The following LRFN2 variants were observed in gnomAD, a reference collection of about 807,000 sequenced individuals.
LRFN2 encodes the protein leucine rich repeat and fibronectin type III domain containing 2.
In LRFN2, 18 loss-of-function variants were observed where a neutral mutation model predicts 37.3. The observed-to-expected ratio is 0.48, with a 90% CI of 0.33 to 0.72. The LOEUF is 0.72. Among genes scored for constraint, LRFN2 ranks in the 30% least tolerant of loss-of-function variants. LRFN2 has a pLI of 0.02. For synonymous variants in LRFN2, 556 were observed against 466.6 expected, an observed-to-expected ratio of 1.19 and a Z score of -2.47; for missense variants, 1,006 against 1,060.7, an observed-to-expected ratio of 0.95 and a Z score of 0.72.
In LRFN2 at chr6:40,391,869, A is replaced by T; in HGVS notation, c.*74T>A. The T allele has an allele frequency of 7.0e-7, 1 of 1,438,536 alleles. No individual in the cohort carries two copies. The highest frequency in any genetic ancestry group is 9.3e-7 in the Non-Finnish European group (1 of 1,079,232). 89.1% of individuals were successfully genotyped at this position (1,438,536 alleles called of 1,614,324 possible). On this transcript the variant is annotated 3_prime_UTR_variant, in exon 3 of 3. Coordinates refer to ENST00000338305, the MANE Select transcript of LRFN2 (RefSeq NM_020737.3). Reference sequence around the variant, plus strand: ...ATGTAAACATCACCATGGAAACTCCACAAACACTTGCCAGTGAGATTCTTT... The same window carrying T: ...ATGTAAACATCACCATGGAAACTCCTCAAACACTTGCCAGTGAGATTCTTT...
intron 1 of LRFN2, among the ~76,000 whole-genome samples, chr6:40,436,739 C>T (rs191069135): frequency 6.6e-6 from 1 of 152,326 alleles, no homozygotes; most frequent in African/African-American, 2.4e-5. Context: ...CAAAGGTGTT[C>T]TGGCCTTCTT....
At chr6:40,507,646 C>T (rs972781067) in intron 1 of LRFN2, among the ~76,000 whole-genome samples, 7 of 152,138 alleles carry the variant, frequency 4.6e-5, no homozygotes, top group African/African-American at 1.4e-4. Flanking sequence ...AAGAATGATG[C>T]CCTCACCTGT....
At chr6:40,433,755 GA>G (rs1339153872) in intron 1 of LRFN2, among the ~76,000 whole-genome samples, 1 of 152,170 alleles carries the variant, frequency 6.6e-6, no homozygotes, top group Non-Finnish European at 1.5e-5. Context: ...TTTCACCAAG[GA>G]GAATCCACAT....
At chr6:40,571,934 G>A (rs949507014) in intron 1 of LRFN2, among the ~76,000 whole-genome samples, 1 of 152,178 alleles carries the variant, frequency 6.6e-6, no homozygotes, top group South Asian at 2.1e-4. Context: ...CTTGAGTTAT[G>A]TCTCTCTGGA....
At chr6:40,469,963 C>CA (rs1444216294) in intron 1 of LRFN2, among the ~76,000 whole-genome samples, 2 of 152,236 alleles carry the variant, frequency 1.3e-5, no homozygotes, top group Non-Finnish European at 2.9e-5. Flanking sequence ...TCACCAACCA[C>CA]AGTGTCCACT....
At chr6:40,445,278 G>A (rs1763943633) in intron 1 of LRFN2, among the ~76,000 whole-genome samples, 2 of 152,210 alleles carry the variant, frequency 1.3e-5, no homozygotes, top group African/African-American at 4.8e-5. Flanking sequence ...GATTTTATAA[G>A]TGGAGAAATT....
intron 1 of LRFN2, among the ~76,000 whole-genome samples, chr6:40,445,016 C>G (rs889447710): frequency 1.3e-5 from 2 of 152,086 alleles, no homozygotes; most frequent in South Asian, 4.2e-4. Flanking sequence ...CTCACCCCCC[C>G]AGGGACCTGC....
At chr6:40,483,681 A>T (rs781395626) in intron 1 of LRFN2, among the ~76,000 whole-genome samples, 1 of 152,200 alleles carries the variant, frequency 6.6e-6, no homozygotes, top group Non-Finnish European at 1.5e-5. Context: ...AGTGGCAGGA[A>T]ATGAGGAGCA....
intron 1 of LRFN2, among the ~76,000 whole-genome samples, chr6:40,473,395 T>G (rs944772074): frequency 6.6e-6 from 1 of 152,180 alleles, no homozygotes; most frequent in African/African-American, 2.4e-5. Flanking sequence ...AGCCATCTTC[T>G]AGCCATGTTG....
intron 1 of LRFN2, among the ~76,000 whole-genome samples, chr6:40,497,150 C>T (rs902731681): frequency 1.3e-5 from 2 of 152,174 alleles, no homozygotes; most frequent in African/African-American, 4.8e-5. Flanking sequence ...TTTCTGACTG[C>T]CCACCTCACT....
intron 1 of LRFN2, among the ~76,000 whole-genome samples, chr6:40,502,937 A>T (rs1456909891): frequency 6.6e-6 from 1 of 152,236 alleles, no homozygotes; most frequent in Non-Finnish European, 1.5e-5. Context: ...ATCACAAAGG[A>T]GCTGAGATTG....
chr6:40,517,850 G>A (rs750435478), intron 1 of LRFN2, among the ~76,000 whole-genome samples: 1 of 152,062 alleles, frequency 6.6e-6, no homozygotes, highest in East Asian at 1.9e-4. Context: ...CCATTAGTAC[G>A]GACAATTTGG....
At chr6:40,540,287 A>G (rs1240368852) in intron 1 of LRFN2, among the ~76,000 whole-genome samples, 1 of 152,204 alleles carries the variant, frequency 6.6e-6, no homozygotes, top group Admixed American at 6.5e-5. Flanking sequence ...AATGTTGCTG[A>G]TTGTGAGTTG....
chr6:40,449,344 G>T (rs1470281236), intron 1 of LRFN2, among the ~76,000 whole-genome samples: 1 of 152,204 alleles, frequency 6.6e-6, no homozygotes, highest in Non-Finnish European at 1.5e-5. Flanking sequence ...AGTCCCAAGT[G>T]TTATTTGGCC....
intron 1 of LRFN2, among the ~76,000 whole-genome samples, chr6:40,513,313 A>C (rs1001633647): frequency 6.6e-5 from 10 of 151,554 alleles, no homozygotes; most frequent in Admixed American, 6.6e-4. Context: ...GGCTCACTAC[A>C]ACCTCTGCCT....
intron 2 of LRFN2, among the ~76,000 whole-genome samples, chr6:40,396,604 G>A (rs997969641): frequency 2.0e-5 from 3 of 152,024 alleles, no homozygotes; most frequent in Non-Finnish European, 4.4e-5. Context: ...ACTGTAATTG[G>A]CCCATCAGAA....
chr6:40,452,584 C>A (rs1461467463), intron 1 of LRFN2, among the ~76,000 whole-genome samples: 3 of 152,174 alleles, frequency 2.0e-5, no homozygotes, highest in Non-Finnish European at 4.4e-5. Context: ...CCCTGGAAGC[C>A]AGAACAACTG....
At chr6:40,578,887 CA>C (rs1224615832) in intron 1 of LRFN2, among the ~76,000 whole-genome samples, 1 of 152,164 alleles carries the variant, frequency 6.6e-6, no homozygotes, top group Non-Finnish European at 1.5e-5. Flanking sequence ...GCAAATCCTA[CA>C]AATGCAGGCA....
At chr6:40,441,250 C>T (rs1191421663) in intron 1 of LRFN2, among the ~76,000 whole-genome samples, 1 of 152,042 alleles carries the variant, frequency 6.6e-6, no homozygotes, top group Non-Finnish European at 1.5e-5. Flanking sequence ...TGAGTGTCTG[C>T]GCATGAATGG....
Sources: gnomAD v4.1 joint callset for allele counts (sites outside exome capture counted in the v4.1 genomes callset) on GRCh38, gnomAD v4.1.1 for gene constraint, MANE v1.5 for transcripts, NCBI Gene and HGNC (gene_info 2026-07-23, HGNC 2026-07-21) for gene names.